Variants in SIAH3 observed in about 807,000 individuals in gnomAD.
The protein encoded by SIAH3 is siah E3 ubiquitin protein ligase family member 3.
A neutral mutation model predicts 12.6 loss-of-function variants in SIAH3; 9 were observed. The observed-to-expected ratio is 0.72, with a 90% CI of 0.43 to 1.25. SIAH3 has a LOEUF of 1.25. SIAH3 is among the 50% of genes most tolerant of loss of function. The pLI, the probability that SIAH3 is intolerant of heterozygous loss-of-function variation, is 0.00. For synonymous variants in SIAH3, 154 were observed against 151.1 expected (o/e 1.02, Z -0.14); for missense variants, 390 against 365.4 (o/e 1.07, Z -0.55).
chr13:45,812,856 T>C (rs965638233), intron 1 of SIAH3, among the ~76,000 whole-genome samples: 1 of 152,198 alleles, frequency 6.6e-6, no homozygotes, highest in African/African-American at 2.4e-5. Context: ...TTAGGACAAT[T>C]GGAGAAAGTT....
chr13:45,798,053 A>G (rs1950569187), intron 1 of SIAH3, among the ~76,000 whole-genome samples: 1 of 152,196 alleles, frequency 6.6e-6, no homozygotes, highest in African/African-American at 2.4e-5. Context: ...CTGCGAGGAA[A>G]TTCTTAAGCA....
intron 1 of SIAH3, among the ~76,000 whole-genome samples, chr13:45,788,916 C>G (rs1394680458): frequency 2.0e-5 from 3 of 152,196 alleles, no homozygotes; most frequent in African/African-American, 7.2e-5. Flanking sequence ...GGGAAGGCAG[C>G]AATGCTATCG....
chr13:45,777,415 C>T lies in SIAH3; in HGVS notation c.*5968G>A, dbSNP rs931650046. 2 of 152,064 alleles carry T rather than the reference C, an allele frequency of 1.3e-5. No individual in the cohort carries two copies. Among genetic ancestry groups the T allele is most frequent in the Non-Finnish European group, 2.9e-5 (2 of 68,014 alleles). 9.4% of individuals were successfully genotyped at this position (152,064 alleles called of 1,614,324 possible). On this transcript the variant is annotated 3_prime_UTR_variant, in exon 2 of 2. Coordinates refer to ENST00000400405, the MANE Select transcript of SIAH3 (RefSeq NM_198849.3). ...ATGCTTCTCAATTTCCTTTCTCTTT[C>T]TTATCTCAATACCCTAAAAAAAAGA...
chr13:45,798,454 G>A (rs1331095543), intron 1 of SIAH3, among the ~76,000 whole-genome samples: 2 of 152,238 alleles, frequency 1.3e-5, no homozygotes, highest in African/African-American at 2.4e-5. Flanking sequence ...TTTCTAGTAG[G>A]GGGAGGAATT....
At chr13:45,787,485 TGGG>T (rs1466747642) in intron 1 of SIAH3, among the ~76,000 whole-genome samples, 1 of 151,900 alleles carries the variant, frequency 6.6e-6, no homozygotes, top group Non-Finnish European at 1.5e-5. Flanking sequence ...GAGCACCAAG[TGGG>T]GGAGGTAGCT....
rs958431345 is a variant in SIAH3, at chr13:45,777,367, T to C, written c.*6016A>G. The C allele has an allele frequency of 2.6e-5, 4 of 152,196 alleles. No homozygotes were observed. Among genetic ancestry groups the C allele is most frequent in the Admixed American group, 1.3e-4 (2 of 15,284 alleles). 9.4% of individuals were successfully genotyped at this position (152,196 alleles called of 1,614,324 possible). ...ATAAGAAAGCATAGAAAATTATATA[T>C]ACATTAATTCAGGGCAAGTAAAATG... On this transcript the variant is annotated 3_prime_UTR_variant, in exon 2 of 2. Coordinates refer to ENST00000400405, the MANE Select transcript of SIAH3 (RefSeq NM_198849.3).
At chr13:45,840,213 G>T (rs147777820) in intron 1 of SIAH3, among the ~76,000 whole-genome samples, 2 of 151,980 alleles carry the variant, frequency 1.3e-5, no homozygotes, top group African/African-American at 4.8e-5. Flanking sequence ...AGTTGAGATC[G>T]CACCACTCCC....
chr13:45,810,629 C>A (rs995854436), intron 1 of SIAH3, among the ~76,000 whole-genome samples: 20 of 152,124 alleles, frequency 1.3e-4, no homozygotes, highest in Non-Finnish European at 2.4e-4. Context: ...TGGTCAGAGA[C>A]AAAGACATTG....
At position 45,782,200 on chromosome 13, in the gene SIAH3, A is replaced by G. The variant is rs7989315; in HGVS notation, c.*1183T>C. 74,370 of 152,082 alleles carry G rather than the reference A, an allele frequency of 0.49. 18,582 individuals are homozygous for G. Among genetic ancestry groups the G allele is most frequent in the Non-Finnish European group, 0.55 (37,245 of 67,986 alleles). 9.4% of individuals were successfully genotyped at this position (152,082 alleles called of 1,614,324 possible). ...AGAGAAAGCAGCCTGCGCAGAGGAA[A>G]TATGGATTTCCGTCACTGTGTCATT... On this transcript the variant is annotated 3_prime_UTR_variant, in exon 2 of 2. Transcript: ENST00000400405.
chr13:45,811,228 T>C (rs1950615313), intron 1 of SIAH3, among the ~76,000 whole-genome samples: 1 of 152,216 alleles, frequency 6.6e-6, no homozygotes, highest in African/African-American at 2.4e-5. Flanking sequence ...GTGGTGATGG[T>C]AATGATGGTA....
At chr13:45,834,313 T>C (rs1405043753) in intron 1 of SIAH3, among the ~76,000 whole-genome samples, 1 of 152,188 alleles carries the variant, frequency 6.6e-6, no homozygotes, top group East Asian at 1.9e-4. Context: ...TCAGCATTTA[T>C]CTCTACCAGG....
chr13:45,791,893 T>A (rs1950546649), intron 1 of SIAH3, among the ~76,000 whole-genome samples: 1 of 152,176 alleles, frequency 6.6e-6, no homozygotes, highest in Admixed American at 6.5e-5. Flanking sequence ...ACCCCTGAGC[T>A]AAAAAGGAAG....
At chr13:45,834,419 GAAAAGA>G (rs561598437) in intron 1 of SIAH3, among the ~76,000 whole-genome samples, 1 of 152,166 alleles carries the variant, frequency 6.6e-6, no homozygotes, top group Non-Finnish European at 1.5e-5. Context: ...TTCTTGCTTG[GAAAAGA>G]AGGGAGAATA....
chr13:45,786,971 C>G (rs1283218618), intron 1 of SIAH3, among the ~76,000 whole-genome samples: 1 of 152,120 alleles, frequency 6.6e-6, no homozygotes. Flanking sequence ...CTGTCCTGAC[C>G]TGTACAGCTA....
chr13:45,818,092 T>C (rs9316162), intron 1 of SIAH3, among the ~76,000 whole-genome samples: 58,489 of 152,024 alleles, frequency 0.38, 12,029 homozygotes, highest in African/African-American at 0.45. Context: ...AGATGCCTCC[T>C]CTGGAGCAGG....
At chr13:45,793,392 T>C (rs9534216) in intron 1 of SIAH3, among the ~76,000 whole-genome samples, 80,394 of 152,000 alleles carry the variant, frequency 0.53, 22,501 homozygotes, top group African/African-American at 0.66. Context: ...CTCCTCTGTT[T>C]TCTATCCCCA....
intron 1 of SIAH3, among the ~76,000 whole-genome samples, chr13:45,817,703 C>A (rs1304469749): frequency 6.6e-6 from 1 of 152,170 alleles, no homozygotes; most frequent in Non-Finnish European, 1.5e-5. Context: ...ATGCCAACAG[C>A]CACCCAAAGC....
intron 1 of SIAH3, among the ~76,000 whole-genome samples, chr13:45,846,194 A>ATTC (rs1227020524): frequency 6.9e-6 from 1 of 145,860 alleles, no homozygotes; most frequent in African/African-American, 2.6e-5. Context: ...GGTTCAAGCG[A>ATTC]TTCTTCTGCC....
chr13:45,851,528 A>C lies in SIAH3; in HGVS notation c.102T>G (p.Leu34=). Residue 34 remains leucine (L), a synonymous_variant, in exon 1 of 2, where the codon CTT becomes CTG. Transcript: ENST00000400405. ...AKRVFSAAGQ[L]VCVVNPTHNL... ...TGTGTGTGGGGTTGACGACACAGAC[A>C]AGTTGCCCGGCAGCGGAGAAAACCC... is the stretch of plus-strand genomic sequence containing the variant. 1 of 1,614,182 alleles carries C rather than the reference A, an allele frequency of 6.2e-7. No homozygotes were observed.
Sources: gnomAD v4.1 joint callset for allele counts (sites outside exome capture counted in the v4.1 genomes callset) on GRCh38, gnomAD v4.1.1 for gene constraint, MANE v1.5 for transcripts, NCBI Gene and HGNC (gene_info 2026-07-23, HGNC 2026-07-21) for gene names.